The following VIT variants were observed in gnomAD, a reference collection of about 807,000 sequenced individuals.
VIT encodes the protein vitrin.
A neutral mutation model predicts 78.0 loss-of-function variants in VIT; 99 were observed. That is an observed-to-expected ratio of 1.27 (90% CI 1.08 to 1.50). VIT has a LOEUF of 1.50. Ranked by LOEUF, VIT falls within the 40% of genes most tolerant of loss-of-function variation. VIT has a pLI of 0.00. For missense variants in VIT, 1,126 were observed against 875.3 expected, an observed-to-expected ratio of 1.29 and a Z score of -3.61; for synonymous variants, 374 against 334.3, an observed-to-expected ratio of 1.12 and a Z score of -1.29.
At chr2:36,754,706 G>C (rs993097757) in intron 4 of VIT, among the ~76,000 whole-genome samples, 11 of 152,204 alleles carry the variant, frequency 7.2e-5, no homozygotes, top group African/African-American at 2.7e-4. Context: ...GCTCCTATAA[G>C]AAGAAAGAGA....
intron 4 of VIT, among the ~76,000 whole-genome samples, chr2:36,749,571 C>T (rs1174738655): frequency 1.3e-5 from 2 of 152,176 alleles, no homozygotes; most frequent in Non-Finnish European, 2.9e-5. Flanking sequence ...GTTTCTACTA[C>T]TCTTATGCAC....
At chr2:36,786,386 T>C (rs1665096212) in intron 11 of VIT, among the ~76,000 whole-genome samples, 1 of 152,194 alleles carries the variant, frequency 6.6e-6, no homozygotes, top group Admixed American at 6.5e-5. Context: ...GTGTGGCTTT[T>C]CACTAGTTCC....
At chr2:36,809,921 T>C (rs1452419068) in intron 15 of VIT, among the ~76,000 whole-genome samples, 1 of 143,976 alleles carries the variant, frequency 6.9e-6, no homozygotes, top group East Asian at 2.0e-4. Flanking sequence ...AGCCCTGGAG[T>C]TGGAGGCTGC....
chr2:36,761,596 T>C (rs11124540), intron 6 of VIT, among the ~76,000 whole-genome samples: 148,557 of 152,130 alleles, frequency 0.98, 72,634 homozygotes, highest in East Asian at 1. Flanking sequence ...AAAAATTAGC[T>C]GGGCGTGGTG....
At chr2:36,790,756 A>G (rs556734842) in intron 12 of VIT, among the ~76,000 whole-genome samples, 47 of 152,360 alleles carry the variant, frequency 3.1e-4, no homozygotes, top group African/African-American at 1.1e-3. Flanking sequence ...GGTAATTGCT[A>G]CTTTTCACCT....
intron 1 of VIT, among the ~76,000 whole-genome samples, chr2:36,714,601 A>G (rs1454965672): frequency 6.6e-6 from 1 of 152,164 alleles, no homozygotes; most frequent in Non-Finnish European, 1.5e-5. Context: ...TACCATTGAC[A>G]TTGTTTAAAA....
At chr2:36,703,443 C>T (rs1665199247) in intron 1 of VIT, among the ~76,000 whole-genome samples, 1 of 148,882 alleles carries the variant, frequency 6.7e-6, no homozygotes, top group Non-Finnish European at 1.5e-5. Context: ...TGTCTTGAGG[C>T]CTCAACCAAA....
At chr2:36,793,401 C>T (rs2148648300) in intron 12 of VIT, among the ~76,000 whole-genome samples, 1 of 152,312 alleles carries the variant, frequency 6.6e-6, no homozygotes, top group Admixed American at 6.5e-5. Flanking sequence ...TCCCATTCAT[C>T]GAGGGCTAGT....
intron 4 of VIT, among the ~76,000 whole-genome samples, chr2:36,749,354 A>G (rs1358626934): frequency 2.0e-5 from 3 of 152,198 alleles, no homozygotes; most frequent in Non-Finnish European, 4.4e-5. Context: ...AGGAAGGAAG[A>G]CAGGAGGCAT....
At chr2:36,806,588 C>T (rs1294255467) in intron 14 of VIT, among the ~76,000 whole-genome samples, 1 of 152,194 alleles carries the variant, frequency 6.6e-6, no homozygotes. Flanking sequence ...ACTCTGTCGC[C>T]CAGGCTGGAA....
At chr2:36,724,528 G>A (rs541208963) in intron 2 of VIT, among the ~76,000 whole-genome samples, 1 of 152,212 alleles carries the variant, frequency 6.6e-6, no homozygotes, top group East Asian at 1.9e-4. Context: ...TGTAGCAAGA[G>A]GGGGATTGCT....
intron 1 of VIT, among the ~76,000 whole-genome samples, chr2:36,703,987 C>T (rs1336814889): frequency 3.6e-5 from 5 of 140,274 alleles, no homozygotes; most frequent in African/African-American, 5.2e-5. Context: ...TGCAGTGGCA[C>T]GATCTCGGCT....
chr2:36,806,682 G>A (rs1666752327), intron 14 of VIT, among the ~76,000 whole-genome samples: 1 of 152,130 alleles, frequency 6.6e-6, no homozygotes, highest in South Asian at 2.1e-4. Context: ...AAATAGCTGG[G>A]ACTACAGGCA....
intron 6 of VIT, among the ~76,000 whole-genome samples, chr2:36,766,395 G>A (rs1192147559): frequency 6.6e-6 from 1 of 152,102 alleles, no homozygotes; most frequent in Non-Finnish European, 1.5e-5. Context: ...AGGCAGGTAT[G>A]GTGTCTTGCA....
chr2:36,729,847 C>G (rs537164495), intron 3 of VIT, among the ~76,000 whole-genome samples: 7 of 152,246 alleles, frequency 4.6e-5, no homozygotes, highest in Non-Finnish European at 8.8e-5. Flanking sequence ...TTGGCTAATG[C>G]AAAGGTCTAG....
chr2:36,771,982 C>T (rs1669788451), intron 7 of VIT, among the ~76,000 whole-genome samples: 1 of 152,178 alleles, frequency 6.6e-6, no homozygotes, highest in African/African-American at 2.4e-5. Context: ...AAAAGGGATA[C>T]AACTCTGTAT....
intron 2 of VIT, among the ~76,000 whole-genome samples, chr2:36,725,668 G>C (rs929507929): frequency 6.6e-6 from 1 of 151,946 alleles, no homozygotes; most frequent in Non-Finnish European, 1.5e-5. Flanking sequence ...TAAATAAAAA[G>C]TTTTTTTAAA....
chr2:36,763,214 C>A (rs957774382), intron 6 of VIT, among the ~76,000 whole-genome samples: 2 of 152,136 alleles, frequency 1.3e-5, no homozygotes, highest in African/African-American at 4.8e-5. Flanking sequence ...ACGACCAGGG[C>A]CCTGGAACCT....
At chr2:36,807,656 A>T (rs181819920) in intron 14 of VIT, among the ~76,000 whole-genome samples, 1 of 152,340 alleles carries the variant, frequency 6.6e-6, no homozygotes, top group East Asian at 1.9e-4. Context: ...GTAAGGAAGA[A>T]ACACCACGCC....
Sources: allele counts gnomAD v4.1 joint callset (sites outside exome capture counted in the v4.1 genomes callset), GRCh38; gene constraint gnomAD v4.1.1; transcripts MANE v1.5; gene names NCBI Gene and HGNC (gene_info 2026-07-23, HGNC 2026-07-21).